Variants in COL14A1 observed in about 807,000 individuals in gnomAD.
The protein encoded by COL14A1 is collagen type XIV alpha 1 chain, also known as collagen alpha-1(XIV) chain.
COL14A1 carries 136 observed loss-of-function variants against 230.3 expected under a neutral mutation model. The observed-to-expected ratio is 0.59, with a 90% CI of 0.51 to 0.68. The LOEUF (loss-of-function observed/expected upper bound fraction) is 0.68. COL14A1 is among the 30% of genes least tolerant of loss of function. The probability of loss-of-function intolerance (pLI) is 0.00; values close to 1 mark genes in which losing one functional copy is unlikely to be tolerated. For synonymous variants in COL14A1, 792 were observed against 784.1 expected (o/e 1.01, Z -0.17); for missense variants, 1,976 against 2,215.8 (o/e 0.89, Z 2.17).
At chr8:120,231,042 G>T (rs891089455) in intron 18 of COL14A1, among the ~76,000 whole-genome samples, 4 of 152,176 alleles carry the variant, frequency 2.6e-5, no homozygotes, top group African/African-American at 9.7e-5. Context: ...GCAGGTGATT[G>T]GGATGTGTGT....
At chr8:120,175,026 A>C (rs1354085150) in intron 5 of COL14A1, among the ~76,000 whole-genome samples, 3 of 151,840 alleles carry the variant, frequency 2.0e-5, no homozygotes, top group Non-Finnish European at 4.4e-5. Context: ...GAAATCTACA[A>C]TTTTCTTGTA....
chr8:120,290,786 C>G (rs1445309624), intron 34 of COL14A1, among the ~76,000 whole-genome samples: 1 of 152,196 alleles, frequency 6.6e-6, no homozygotes, highest in Non-Finnish European at 1.5e-5. Flanking sequence ...CTTTGGGGCA[C>G]TTTGCTATTT....
At chr8:120,152,873 A>G (rs1347060008) in intron 2 of COL14A1, among the ~76,000 whole-genome samples, 1 of 152,240 alleles carries the variant, frequency 6.6e-6, no homozygotes, top group Non-Finnish European at 1.5e-5. Context: ...ACCTCGACGC[A>G]TAGAAAATTG....
At chr8:120,330,792 T>A (rs2130201847) in intron 40 of COL14A1, among the ~76,000 whole-genome samples, 1 of 152,278 alleles carries the variant, frequency 6.6e-6, no homozygotes. Flanking sequence ...AGACATAATG[T>A]GAGTCTGGAC....
At chr8:120,199,207 T>C (rs372256877) in intron 7 of COL14A1, among the ~76,000 whole-genome samples, 195 bp from the exon 8 acceptor site, 2 of 152,310 alleles carry the variant, frequency 1.3e-5, no homozygotes, top group African/African-American at 2.4e-5. Context: ...TTTAATTATT[T>C]TCATTACCTT....
intron 2 of COL14A1, among the ~76,000 whole-genome samples, chr8:120,152,166 T>C (rs1815304486): frequency 6.6e-6 from 1 of 152,074 alleles, no homozygotes; most frequent in Non-Finnish European, 1.5e-5. Flanking sequence ...TCAACGAATA[T>C]AGCTAGTATT....
At chr8:120,181,256 T>G (rs574345741) in intron 5 of COL14A1, among the ~76,000 whole-genome samples, 40 of 152,316 alleles carry the variant, frequency 2.6e-4, no homozygotes, top group African/African-American at 8.7e-4. Flanking sequence ...CTTTAGATTA[T>G]CTCCCAAATG....
intron 42 of COL14A1, among the ~76,000 whole-genome samples, chr8:120,339,106 G>T (rs981913428): frequency 6.6e-6 from 1 of 152,134 alleles, no homozygotes; most frequent in Non-Finnish European, 1.5e-5. Context: ...CTACAGGCGT[G>T]TGCCACCACA....
At chr8:120,199,033 A>G (rs542485199) in intron 7 of COL14A1, among the ~76,000 whole-genome samples, 1 of 152,334 alleles carries the variant, frequency 6.6e-6, no homozygotes, top group African/African-American at 2.4e-5. Flanking sequence ...TTAGAATATC[A>G]CGAACAAAAT....
intron 14 of COL14A1, among the ~76,000 whole-genome samples, chr8:120,222,168 T>G (rs774379255): frequency 3.3e-5 from 5 of 152,158 alleles, no homozygotes; most frequent in Non-Finnish European, 5.9e-5. Context: ...AAATTGGGAG[T>G]AATAATTAGC....
At chr8:120,206,848 T>C (rs1385571591) in intron 9 of COL14A1, 95 bp from the exon 10 acceptor site, 2 of 1,240,158 alleles carry the variant, frequency 1.6e-6, no homozygotes, top group Non-Finnish European at 2.2e-6. Flanking sequence ...AGAGGCAGCA[T>C]AAAATCAATA....
intron 1 of COL14A1, among the ~76,000 whole-genome samples, chr8:120,131,394 A>G (rs1231721613): frequency 6.8e-6 from 1 of 147,826 alleles, no homozygotes; most frequent in Non-Finnish European, 1.5e-5. Flanking sequence ...CTTTTTAATG[A>G]TAGCCATTCT....
At chr8:120,250,870 C>T (rs1183856995) in intron 22 of COL14A1, 104 bp downstream of exon 22, 24 of 1,319,660 alleles carry the variant, frequency 1.8e-5, no homozygotes, top group South Asian at 2.8e-5. Context: ...TGCGCTGGTG[C>T]GATCTGGACT....
At chr8:120,316,561 G>T (rs1041060712) in intron 40 of COL14A1, among the ~76,000 whole-genome samples, 2 of 152,106 alleles carry the variant, frequency 1.3e-5, no homozygotes, top group African/African-American at 4.8e-5. Flanking sequence ...TGTTCTCAAA[G>T]AGTTTATAGT....
chr8:120,188,715 T>A (rs991864048), intron 5 of COL14A1, among the ~76,000 whole-genome samples: 35 of 152,382 alleles, frequency 2.3e-4, no homozygotes, highest in African/African-American at 8.2e-4. Flanking sequence ...ACAGGTCATT[T>A]CCTCTGTCCC....
chr8:120,178,421 G>A (rs573906117), intron 5 of COL14A1, among the ~76,000 whole-genome samples: 80 of 152,168 alleles, frequency 5.3e-4, no homozygotes, highest in African/African-American at 1.8e-3. Flanking sequence ...CTTTTTTATG[G>A]CTGCATAGTG....
intron 24 of COL14A1, among the ~76,000 whole-genome samples, chr8:120,266,270 C>A (rs1819498883): frequency 6.6e-6 from 1 of 152,022 alleles, no homozygotes; most frequent in South Asian, 2.1e-4. Flanking sequence ...CCCACATAAT[C>A]CAGGCTGAAA....
chr8:120,292,264 T>G (rs895223730), intron 34 of COL14A1, among the ~76,000 whole-genome samples: 1 of 152,186 alleles, frequency 6.6e-6, no homozygotes, highest in Non-Finnish European at 1.5e-5. Flanking sequence ...TGGTGATCAA[T>G]CTTTACTTTT....
At chr8:120,193,030 C>G (rs151268671) in intron 5 of COL14A1, among the ~76,000 whole-genome samples, 5,554 of 152,230 alleles carry the variant, frequency 0.036, 344 homozygotes, top group African/African-American at 0.12. Flanking sequence ...TCGTCTGAAG[C>G]CTTCTTCTCT....
Sources: gnomAD v4.1 joint callset for allele counts (sites outside exome capture counted in the v4.1 genomes callset) on GRCh38, gnomAD v4.1.1 for gene constraint, MANE v1.5 for transcripts, NCBI Gene and HGNC (gene_info 2026-07-23, HGNC 2026-07-21) for gene names.